Variants in STK32B observed in about 807,000 individuals in gnomAD.
STK32B encodes serine/threonine kinase 32B.
Under a neutral mutation model 52.6 loss-of-function variants are expected in STK32B, and 43 were observed. The observed-to-expected ratio is 0.82, with a 90% CI of 0.64 to 1.05. STK32B has a LOEUF of 1.05. STK32B is among the 50% of genes least tolerant of loss of function. The probability of loss-of-function intolerance (pLI) is 0.00; values close to 1 mark genes in which losing one functional copy is unlikely to be tolerated. For missense variants in STK32B, 621 were observed against 534.6 expected (o/e 1.16, Z -1.59); for synonymous variants, 238 against 204.3 (o/e 1.17, Z -1.41).
chr4:5,044,717 G>C, the STK32B span, among the ~76,000 whole-genome samples: 1,692 of 152,180 alleles, frequency 0.011, 17 homozygotes, highest in Non-Finnish European at 0.017. Flanking sequence ...GAGCAGCCTG[G>C]GAAACACAGT....
chr4:5,051,786 G>A lies in STK32B; in HGVS notation c.-78G>A, dbSNP rs971140911. 7.8e-6 allele frequency: 12 copies of A among 1,542,686 alleles called. No homozygotes were observed. In the Admixed American group the frequency reaches 9.9e-5, roughly 13 times the overall value. On this transcript the variant is annotated 5_prime_UTR_variant, in exon 1 of 12. Transcript: ENST00000282908. ...GGACTGGGCGCGCCCCCGGCATCCC[G>A]CATCTCTGCGCGCGTCCCACATCCC... is the stretch of plus-strand genomic sequence containing the variant.
intron 7 of STK32B, among the ~76,000 whole-genome samples, chr4:5,448,902 A>G (rs375411560): frequency 1.3e-5 from 2 of 152,226 alleles, no homozygotes; most frequent in East Asian, 3.8e-4. Context: ...GATTTAGTCA[A>G]AAAGCTGTGC....
In STK32B at chr4:5,399,538, G is replaced by A. The variant is rs1737153582; in HGVS notation, c.472+1294G>A. Among the ~76,000 whole-genome samples the A allele has an allele frequency of 6.6e-6, 1 of 152,160 alleles. No individual in the cohort carries two copies. Among genetic ancestry groups the A allele is most frequent in the Non-Finnish European group, 1.5e-5 (1 of 68,030 alleles). On this transcript the variant is annotated intron_variant, in intron 5 of 11. Transcript: ENST00000282908. The surrounding 1 kb of genome is among the most constrained non-coding windows in gnomAD (Gnocchi z 5.4). ...GCTCCTGAATGGAAGGTCAGCAGCA[G>A]CCCCAAGATGCCTGGGGCATGGACA...
chr4:5,463,546 A>C (rs1223602769), intron 9 of STK32B, among the ~76,000 whole-genome samples: 1 of 151,844 alleles, frequency 6.6e-6, no homozygotes, highest in Non-Finnish European at 1.5e-5. Flanking sequence ...ACGTGCCCCC[A>C]CACACAGTCT....
At chr4:5,293,019 C>T (rs1728982917) in intron 3 of STK32B, among the ~76,000 whole-genome samples, 1 of 152,090 alleles carries the variant, frequency 6.6e-6, no homozygotes, top group Non-Finnish European at 1.5e-5. Context: ...TCAGCTCCCA[C>T]TTATAAGTGT....
intron 3 of STK32B, among the ~76,000 whole-genome samples, chr4:5,191,705 G>A (rs77019816): frequency 0.025 from 3,761 of 152,192 alleles, 136 homozygotes; most frequent in African/African-American, 0.085. Flanking sequence ...CTGCTTCGTC[G>A]GCTGAGAATT....
At chr4:5,355,742 A>G (rs1422620490) in intron 4 of STK32B, among the ~76,000 whole-genome samples, 3 of 152,154 alleles carry the variant, frequency 2.0e-5, no homozygotes, top group East Asian at 3.9e-4. Context: ...AGAGAGTGAT[A>G]TCACCCCTGG....
At chr4:5,491,275 T>G (rs1719708874) in intron 11 of STK32B, among the ~76,000 whole-genome samples, 1 of 152,294 alleles carries the variant, frequency 6.6e-6, no homozygotes, top group Non-Finnish European at 1.5e-5. Context: ...TCTAACTAAC[T>G]GGTGTGAGAT....
At chr4:5,113,649 G>A (rs941462947) in intron 1 of STK32B, among the ~76,000 whole-genome samples, 3 of 152,074 alleles carry the variant, frequency 2.0e-5, no homozygotes, top group African/African-American at 7.2e-5. Flanking sequence ...AACCCTGTAG[G>A]GTTCAACTTT....
chr4:5,315,930 C>T (rs1323427209), intron 3 of STK32B, among the ~76,000 whole-genome samples: 1 of 150,520 alleles, frequency 6.6e-6, no homozygotes, highest in African/African-American at 2.4e-5. Context: ...ATCTCGAACT[C>T]CTGACCTCAG....
chr4:5,398,785 C>T lies in STK32B; in HGVS notation c.472+541C>T, dbSNP rs1421515858. 2.0e-5 allele frequency among the ~76,000 whole-genome samples: 3 copies of T among 151,766 alleles called. No individual in the cohort carries two copies. The highest frequency in any genetic ancestry group is 4.4e-5 in the Non-Finnish European group (3 of 68,020). The stretch of plus-strand genomic sequence containing the variant: ...TGCACACAGATCTCCTAGGCATCTT[C>T]TCAAACTGATTTAGTAAGTCTGAGA... On this transcript the variant is annotated intron_variant, in intron 5 of 11. Transcript: ENST00000282908. This position sits in a 1 kb window ranked among gnomAD's most constrained non-coding sequence, Gnocchi z 4.9.
rs118086316 is a variant in STK32B at position 5,187,118 on chromosome 4, C to T, written c.260+18668C>T. Among the ~76,000 whole-genome samples, 320 of 152,274 alleles carry T rather than the reference C, an allele frequency of 2.1e-3. 6 individuals carry two copies. In the East Asian group the frequency reaches 0.05, roughly 24 times the overall value. ...GTTCCTGCAGGTGAGTGAGGGAATC[C>T]GTCCAGTAGTCAGAGAAGCCATGGG... On this transcript the variant is annotated intron_variant, in intron 3 of 11. Coordinates refer to ENST00000282908, the MANE Select transcript of STK32B (RefSeq NM_018401.3).
chr4:5,219,352 A>G lies in STK32B; in HGVS notation c.260+50902A>G, dbSNP rs116912038. 9.8e-5 allele frequency among the ~76,000 whole-genome samples: 15 copies of G among 152,372 alleles called. No individual in the cohort carries two copies. The East Asian group carries it at 2.7e-3, about 27-fold the overall frequency. ...CTCCTTCCTGTAGAGGAACCCAGCAAACGTGGGCCTGACAACACTACATTT... is the reference window on the plus strand; with the variant it reads ...CTCCTTCCTGTAGAGGAACCCAGCAGACGTGGGCCTGACAACACTACATTT... On this transcript the variant is annotated intron_variant, in intron 3 of 11. Coordinates refer to ENST00000282908, the MANE Select transcript of STK32B (RefSeq NM_018401.3).
chr4:5,369,157 C>A (rs1735070024), intron 4 of STK32B, among the ~76,000 whole-genome samples: 1 of 151,778 alleles, frequency 6.6e-6, no homozygotes, highest in African/African-American at 2.4e-5. Context: ...CGCCTCTCCT[C>A]CCACTCTTCT....
At chr4:5,285,088 A>G (rs978768443) in intron 3 of STK32B, among the ~76,000 whole-genome samples, 3 of 152,212 alleles carry the variant, frequency 2.0e-5, no homozygotes, top group African/African-American at 4.8e-5. Context: ...TTCTCTTAAG[A>G]TTGTCATAAT....
chr4:5,329,878 A>T lies in STK32B; in HGVS notation c.261-1342A>T, dbSNP rs532842397. ...GTCTCTGTAATGGGAGCTGGAGGGG[A>T]TTTGAGGTCCTTCCAACCCTGGAAT... On this transcript the variant is annotated intron_variant, in intron 3 of 11. Coordinates refer to ENST00000282908, the MANE Select transcript of STK32B (RefSeq NM_018401.3). 7.9e-5 allele frequency among the ~76,000 whole-genome samples: 12 copies of T among 152,190 alleles called. No homozygotes were observed. In the South Asian group the frequency reaches 2.5e-3, roughly 32 times the overall value.
chr4:5,439,065 G>A (rs1023183655), intron 6 of STK32B, among the ~76,000 whole-genome samples: 1 of 150,144 alleles, frequency 6.7e-6, no homozygotes, highest in African/African-American at 2.5e-5. Context: ...ATAAACATAT[G>A]TGTGCATGTG....
rs137893909 is a variant in STK32B, at chr4:5,311,680, T to G, written c.261-19540T>G. Reference sequence around the variant, plus strand: ...ATTTTTACTCATAATTTTGATAGCTTAGAAGAAATGGACCAATTCCTCAAA... The same window carrying G: ...ATTTTTACTCATAATTTTGATAGCTGAGAAGAAATGGACCAATTCCTCAAA... On this transcript the variant is annotated intron_variant, in intron 3 of 11. Coordinates refer to ENST00000282908, the MANE Select transcript of STK32B (RefSeq NM_018401.3). Among the ~76,000 whole-genome samples the G allele has an allele frequency of 9.9e-4, 151 of 152,212 alleles. 1 individual carries two copies. The highest frequency in any genetic ancestry group is 2.8e-3 in the Admixed American group (43 of 15,288).
chr4:5,315,270 A>G (rs1212620188), intron 3 of STK32B, among the ~76,000 whole-genome samples: 1 of 145,532 alleles, frequency 6.9e-6, no homozygotes, highest in Non-Finnish European at 1.5e-5. Flanking sequence ...GGGAAATGCA[A>G]ATGAGATGTG....
Sources: gnomAD v4.1 joint callset for allele counts (sites outside exome capture counted in the v4.1 genomes callset) on GRCh38, gnomAD v4.1.1 for gene constraint, Gnocchi (gnomAD v3.1) non-coding constraint, MANE v1.5 for transcripts, NCBI Gene and HGNC (gene_info 2026-07-23, HGNC 2026-07-21) for gene names.